NETO2: variants seen among roughly 807,000 people sequenced by gnomAD.
NETO2 encodes the protein neuropilin and tolloid like 2.
NETO2 carries 28 observed loss-of-function variants against 62.5 expected under a neutral mutation model. That is an observed-to-expected ratio of 0.45 (90% CI 0.33 to 0.61). NETO2 has a LOEUF of 0.61. Among genes scored for constraint, NETO2 ranks in the 20% least tolerant of loss-of-function variants. The probability of loss-of-function intolerance (pLI) is 0.02; values close to 1 mark genes in which losing one functional copy is unlikely to be tolerated. For synonymous variants in NETO2, 214 were observed against 219.1 expected, an observed-to-expected ratio of 0.98 and a Z score of 0.21; for missense variants, 548 against 643.2, an observed-to-expected ratio of 0.85 and a Z score of 1.60.
chr16:47,141,351 C>G (rs940990427), intron 1 of NETO2, among the ~76,000 whole-genome samples: 3 of 152,066 alleles, frequency 2.0e-5, no homozygotes, highest in Admixed American at 2.0e-4. Flanking sequence ...CTTCTTCATG[C>G]CTTGGGGCAC....
At chr16:47,115,820 C>T (rs1332239808) in intron 6 of NETO2, among the ~76,000 whole-genome samples, 1 of 150,190 alleles carries the variant, frequency 6.7e-6, no homozygotes, top group East Asian at 1.9e-4. Context: ...ATCCACCTGC[C>T]TTGGTCTCCC....
At chr16:47,123,991 C>T (rs540856366) in intron 4 of NETO2, among the ~76,000 whole-genome samples, 61 of 152,304 alleles carry the variant, frequency 4.0e-4, no homozygotes, top group African/African-American at 1.3e-3. Context: ...GCCACTGCAC[C>T]CGGACTGGAA....
intron 7 of NETO2, among the ~76,000 whole-genome samples, chr16:47,102,048 A>G (rs1963559419): frequency 6.6e-6 from 1 of 152,234 alleles, no homozygotes; most frequent in Admixed American, 6.5e-5. Context: ...ACAAGGCCAC[A>G]GTAACCAAAA....
In NETO2 at chr16:47,096,496, A is replaced by AT. The variant is rs549784438; in HGVS notation, c.884-10158dup. Among the ~76,000 whole-genome samples the AT allele has an allele frequency of 2.8e-4, 42 of 152,336 alleles. No homozygotes were observed. In the East Asian group the frequency reaches 7.9e-3, roughly 29 times the overall value. ...AGATCTGACGTATATAAAAAGAATC[A>AT]TAAGTGAATACTAAGAACAACTGTA... On this transcript the variant is annotated intron_variant, in intron 7 of 8. Coordinates refer to ENST00000562435, the MANE Select transcript of NETO2 (RefSeq NM_018092.5).
At chr16:47,105,532 C>T (rs1963655954) in intron 7 of NETO2, among the ~76,000 whole-genome samples, 1 of 151,984 alleles carries the variant, frequency 6.6e-6, no homozygotes, top group Non-Finnish European at 1.5e-5. Context: ...CCCAAAAGGA[C>T]ACTATATCAA....
chr16:47,129,161 A>C, intron 3 of NETO2, 63 bp downstream of exon 3: 1 of 1,501,890 alleles, frequency 6.7e-7, no homozygotes, highest in Non-Finnish European at 9.2e-7. Flanking sequence ...AGGTCATTTT[A>C]CCAACATATT....
In NETO2 at chr16:47,088,078, G is replaced by A. The variant is rs1055343821; in HGVS notation, c.884-1739C>T. Among the ~76,000 whole-genome samples, 6 of 152,092 alleles carry A rather than the reference G, an allele frequency of 3.9e-5. No homozygotes were observed. In the East Asian group the frequency reaches 1.2e-3, roughly 29 times the overall value. ...AGCTTATTATTTTCCCATTCAGTAC[G>A]ACAGAAGCCCAAAAACCTTAGCAAT... is the stretch of plus-strand genomic sequence containing the variant. On this transcript the variant is annotated intron_variant, in intron 7 of 8. Transcript: ENST00000562435.
chr16:47,142,128 G>A (rs1341275125), intron 1 of NETO2, among the ~76,000 whole-genome samples: 1 of 152,186 alleles, frequency 6.6e-6, no homozygotes, highest in Non-Finnish European at 1.5e-5. Flanking sequence ...ATCCTAGTGT[G>A]CATACGGTTT....
At chr16:47,126,200 T>C (rs968673269) in intron 4 of NETO2, among the ~76,000 whole-genome samples, 2 of 152,218 alleles carry the variant, frequency 1.3e-5, no homozygotes, top group Non-Finnish European at 2.9e-5. Flanking sequence ...AACCTGCACA[T>C]GAATAGCAGC....
chr16:47,141,145 T>A (rs1442246606), intron 1 of NETO2, among the ~76,000 whole-genome samples: 1 of 152,226 alleles, frequency 6.6e-6, no homozygotes, highest in East Asian at 1.9e-4. Context: ...CAGTGGCATC[T>A]TAAAGAACTA....
At chr16:47,111,003 G>T (rs1192718018) in intron 6 of NETO2, among the ~76,000 whole-genome samples, 1 of 152,204 alleles carries the variant, frequency 6.6e-6, no homozygotes, top group Non-Finnish European at 1.5e-5. Context: ...CTTCATGCGT[G>T]TATTTTAACA....
chr16:47,143,512 G>A lies in NETO2; in HGVS notation c.34+67C>T, dbSNP rs532367532. On this transcript the variant is annotated intron_variant, in intron 1 of 8. Transcript: ENST00000562435. ...GCGCGGGTAAGGGACGCAGAGGCGC[G>A]GGCAGGGCGGCGCGCCAGCCTCGGC... 98 of 1,214,992 alleles carry A rather than the reference G, an allele frequency of 8.1e-5. No homozygotes were observed. In the African/African-American group the frequency reaches 1.4e-3, roughly 17 times the overall value. 75.3% of individuals were successfully genotyped at this position (1,214,992 alleles called of 1,614,324 possible). A position where few individuals can be genotyped will look rare whatever the true frequency, so the allele number is the denominator to read the frequency against.
chr16:47,096,265 G>A (rs1004860702), intron 7 of NETO2, among the ~76,000 whole-genome samples: 62 of 152,146 alleles, frequency 4.1e-4, no homozygotes, highest in African/African-American at 1.5e-3. Context: ...AGAGAAAGAA[G>A]ACAAACTAAA....
chr16:47,086,689 T>A (rs1963197637), intron 7 of NETO2, among the ~76,000 whole-genome samples: 1 of 151,860 alleles, frequency 6.6e-6, no homozygotes, highest in African/African-American at 2.4e-5. Context: ...GTACTGAGGG[T>A]GAGAATGTAA....
intron 1 of NETO2, among the ~76,000 whole-genome samples, chr16:47,139,442 C>T (rs1282806580): frequency 1.3e-5 from 2 of 152,142 alleles, no homozygotes; most frequent in Non-Finnish European, 2.9e-5. Context: ...TTAAGTGTGT[C>T]TCTTTCTACA....
chr16:47,096,280 A>G (rs184607953), intron 7 of NETO2, among the ~76,000 whole-genome samples: 81 of 152,214 alleles, frequency 5.3e-4, no homozygotes, highest in African/African-American at 1.7e-3. Context: ...ACTAAATCCA[A>G]AGCTAGCAGA....
At chr16:47,126,229 A>G (rs1964155141) in intron 4 of NETO2, among the ~76,000 whole-genome samples, 1 of 152,214 alleles carries the variant, frequency 6.6e-6, no homozygotes, top group Admixed American at 6.5e-5. Context: ...TAATTGCCAC[A>G]ATGTGGAAGC....
At chr16:47,121,123 C>T (rs1368776521) in intron 6 of NETO2, among the ~76,000 whole-genome samples, 2 of 152,120 alleles carry the variant, frequency 1.3e-5, no homozygotes, top group African/African-American at 2.4e-5. Context: ...AACTTATAGA[C>T]CTCCTATTTG....
intron 1 of NETO2, among the ~76,000 whole-genome samples, chr16:47,143,009 C>G (rs1257579776): frequency 1.3e-5 from 2 of 151,816 alleles, no homozygotes; most frequent in Non-Finnish European, 2.9e-5. Flanking sequence ...GCGCCGCCCC[C>G]GGAGCCCGCA....
Sources: gnomAD v4.1 joint callset for allele counts (sites outside exome capture counted in the v4.1 genomes callset) on GRCh38, gnomAD v4.1.1 for gene constraint, MANE v1.5 for transcripts, NCBI Gene and HGNC (gene_info 2026-07-23, HGNC 2026-07-21) for gene names.